The following STUM variants were observed in gnomAD, a reference collection of about 807,000 sequenced individuals.
STUM encodes the protein protein stum homolog.
STUM carries 8 observed loss-of-function variants against 15.3 expected under a neutral mutation model. That is an observed-to-expected ratio of 0.52 (90% confidence interval 0.31 to 0.94). The LOEUF (loss-of-function observed/expected upper bound fraction) is 0.94. Among genes scored for constraint, STUM ranks in the 40% least tolerant of loss-of-function variants. The pLI is 0.05. For missense variants in STUM, 142 were observed against 204.9 expected (o/e 0.69, Z 1.87); for synonymous variants, 78 against 88.7 (o/e 0.88, Z 0.68).
chr1:226,550,552 C>T (rs192111990), intron 1 of STUM, among the ~76,000 whole-genome samples: 135 of 151,376 alleles, frequency 8.9e-4, no homozygotes, highest in Non-Finnish European at 1.4e-3. Flanking sequence ...CTCCCTCTGG[C>T]GGATATGAAG....
chr1:226,577,869 C>CG (rs1237218445), intron 1 of STUM, among the ~76,000 whole-genome samples: 1 of 152,064 alleles, frequency 6.6e-6, no homozygotes, highest in South Asian at 2.1e-4. Context: ...GACAGTAGGG[C>CG]GGGGGAGAGT....
intron 1 of STUM, among the ~76,000 whole-genome samples, chr1:226,566,397 C>G (rs1667626952): frequency 6.6e-6 from 1 of 152,136 alleles, no homozygotes; most frequent in Non-Finnish European, 1.5e-5. Flanking sequence ...TTCTGAGAAG[C>G]AGGTTTTATA....
chr1:226,588,385 G>A lies in STUM; in HGVS notation c.203-8417G>A, dbSNP rs368575351. Among the ~76,000 whole-genome samples, 7 of 152,324 alleles carry A rather than the reference G, an allele frequency of 4.6e-5. No homozygotes were observed. In the East Asian group the frequency reaches 1.3e-3, roughly 29 times the overall value. On this transcript the variant is annotated intron_variant, in intron 1 of 3. Transcript: ENST00000366788. ...GTGGCCGAGCTGAAAGGATGACACT[G>A]CCTTCCCTCAGCACATATGAGCACA...
At position 226,548,773 on chromosome 1, in the gene STUM, G is replaced by T; in HGVS notation, c.-132G>T. 1.5e-6 allele frequency: 1 copy of T among 684,268 alleles called. No homozygotes were observed. Among genetic ancestry groups the T allele is most frequent in the Non-Finnish European group, 2.0e-6 (1 of 504,206 alleles). 42.4% of individuals were successfully genotyped at this position (684,268 alleles called of 1,614,324 possible). On this transcript the variant is annotated 5_prime_UTR_variant, in exon 1 of 4. Transcript: ENST00000366788. ...GAGGGCGGGAGTCTCCGCGAGCCGC[G>T]CGGCGCACGGAGCACGGCGGCCGCC...
Position 226,567,135 on chromosome 1 carries a change from G to A in STUM, c.202+18029G>A, listed in dbSNP as rs545190704. 6.6e-6 allele frequency among the ~76,000 whole-genome samples: 1 copy of A among 152,312 alleles called. No individual in the cohort carries two copies. Among genetic ancestry groups the A allele is most frequent in the African/African-American group, 2.4e-5 (1 of 41,574 alleles). On this transcript the variant is annotated intron_variant, in intron 1 of 3. Transcript: ENST00000366788. This position sits in a 1 kb window ranked among gnomAD's most constrained non-coding sequence, Gnocchi z 4.5. ...GAGACCAGCCTGTTCCTAGGATGAA[G>A]CCAGTAGGGTGGTGAGGCCGGGGCA... is the stretch of plus-strand genomic sequence containing the variant.
rs1172039840 is a variant in STUM, at chr1:226,549,066, C to T, written c.162C>T (p.Ala54=). 6.3e-7 allele frequency: 1 copy of T among 1,580,936 alleles called. No individual in the cohort carries two copies. The change falls in exon 1 of 4, where the codon GCC becomes GCT. Residue 54 remains alanine (A), a synonymous_variant. Coordinates refer to ENST00000366788, the MANE Select transcript of STUM (RefSeq NM_001003665.4). This position sits in a 1 kb window ranked among gnomAD's most constrained non-coding sequence, Gnocchi z 6.8. ...AAIPYMPFPV[A]VICLFLNTFV... is the part of the protein sequence containing the mutation. The stretch of plus-strand genomic sequence containing the variant: ...TCCCCTACATGCCCTTCCCCGTGGC[C>T]GTCATCTGCCTCTTCCTCAACACTT...
At chr1:226,563,883 A>G (rs746920223) in intron 1 of STUM, among the ~76,000 whole-genome samples, 2 of 152,272 alleles carry the variant, frequency 1.3e-5, no homozygotes, top group Non-Finnish European at 2.9e-5. Context: ...CAGAAGGGAA[A>G]AAAGTAAACA....
In STUM at chr1:226,588,476, C is replaced by G. The variant is rs1437929026; in HGVS notation, c.203-8326C>G. ...AACCCAAAAGAGTTGCCATGAAGAGCATTTGAGTGGCCCAGGACCCTGGCC... is the reference window on the plus strand; with the variant it reads ...AACCCAAAAGAGTTGCCATGAAGAGGATTTGAGTGGCCCAGGACCCTGGCC... On this transcript the variant is annotated intron_variant, in intron 1 of 3. Transcript: ENST00000366788. Among the ~76,000 whole-genome samples the G allele has an allele frequency of 4.6e-5, 7 of 152,212 alleles. No individual in the cohort carries two copies. The East Asian group carries it at 1.3e-3, about 29-fold the overall frequency.
chr1:226,579,195 T>A (rs1667872717), intron 1 of STUM, among the ~76,000 whole-genome samples: 1 of 152,182 alleles, frequency 6.6e-6, no homozygotes, highest in African/African-American at 2.4e-5. Context: ...ACACTGTCCC[T>A]TTGGCAAATG....
chr1:226,570,565 G>A (rs1489592025), intron 1 of STUM, among the ~76,000 whole-genome samples: 1 of 152,204 alleles, frequency 6.6e-6, no homozygotes, highest in African/African-American at 2.4e-5. Flanking sequence ...CCCCACAGGG[G>A]CCAAGCCACC....
At chr1:226,588,080 G>A (rs1471137989) in intron 1 of STUM, among the ~76,000 whole-genome samples, 1 of 152,188 alleles carries the variant, frequency 6.6e-6, no homozygotes, top group East Asian at 1.9e-4. Flanking sequence ...TGGATGTTCA[G>A]GATGATGAGG....
At position 226,602,283 on chromosome 1, in the gene STUM, T is replaced by C. The variant is rs1440472305; in HGVS notation, c.*243T>C. The C allele has an allele frequency of 1.9e-6, 1 of 532,876 alleles. No homozygotes were observed. The allele number at this position is 532,876 out of a possible 1,614,324, so 33.0% of individuals were successfully genotyped here. A position where few individuals can be genotyped will look rare whatever the true frequency, so the allele number is the denominator to read the frequency against. ...GCGCAGGCACCAGAGCATCAGAGAG[T>C]GGGGTGGAGATGAGAACGCCCACAG... On this transcript the variant is annotated 3_prime_UTR_variant, in exon 4 of 4. Coordinates refer to ENST00000366788, the MANE Select transcript of STUM (RefSeq NM_001003665.4).
At chr1:226,571,188 A>C (rs1303071201) in intron 1 of STUM, among the ~76,000 whole-genome samples, 1 of 152,178 alleles carries the variant, frequency 6.6e-6, no homozygotes, top group African/African-American at 2.4e-5. Flanking sequence ...CCGAGATCAC[A>C]TCACCGTCCT....
At chr1:226,576,311 T>C (rs1571803228) in intron 1 of STUM, among the ~76,000 whole-genome samples, 1 of 152,176 alleles carries the variant, frequency 6.6e-6, no homozygotes, top group Non-Finnish European at 1.5e-5. Flanking sequence ...GATGGCTGGG[T>C]ATTCTGGGGT....
intron 1 of STUM, among the ~76,000 whole-genome samples, chr1:226,559,468 G>A (rs558040762): frequency 3.9e-5 from 6 of 152,238 alleles, no homozygotes; most frequent in Non-Finnish European, 7.4e-5. Flanking sequence ...GTCCTGGAGG[G>A]TTAATTCATA....
chr1:226,595,161 G>A (rs114921230), intron 1 of STUM, among the ~76,000 whole-genome samples: 5,428 of 152,312 alleles, frequency 0.036, 138 homozygotes, highest in Middle Eastern at 0.095. Context: ...CCAGGGGGCC[G>A]CTGGTGTAAG....
rs1667604005 is a variant in STUM at position 226,565,330 on chromosome 1, C to A, written c.202+16224C>A. Among the ~76,000 whole-genome samples the A allele has an allele frequency of 6.6e-6, 1 of 152,070 alleles. No homozygotes were observed. Among genetic ancestry groups the A allele is most frequent in the Admixed American group, 6.5e-5 (1 of 15,270 alleles). Reference sequence around the variant, plus strand: ...CTGTGTATAGTTCCTTCATGAAGACCCTGGGGGTGGGAGCCTTTGCTTCCT... The same window carrying A: ...CTGTGTATAGTTCCTTCATGAAGACACTGGGGGTGGGAGCCTTTGCTTCCT... On this transcript the variant is annotated intron_variant, in intron 1 of 3. Transcript: ENST00000366788. The surrounding 1 kb of genome is among the most constrained non-coding windows in gnomAD (Gnocchi z 4.4).
chr1:226,593,738 C>T (rs1343092711), intron 1 of STUM, among the ~76,000 whole-genome samples: 1 of 152,194 alleles, frequency 6.6e-6, no homozygotes, highest in Non-Finnish European at 1.5e-5. Flanking sequence ...AGCTCTGTGC[C>T]AGGAACACAG....
intron 1 of STUM, among the ~76,000 whole-genome samples, chr1:226,562,462 A>G (rs566473180): frequency 9.9e-5 from 15 of 151,542 alleles, no homozygotes; most frequent in South Asian, 2.1e-4. Context: ...GCGACAGAGC[A>G]AGACTCCTTC....
Sources: allele counts gnomAD v4.1 joint callset (sites outside exome capture counted in the v4.1 genomes callset), GRCh38; gene constraint gnomAD v4.1.1; non-coding constraint Gnocchi (gnomAD v3.1); transcripts MANE v1.5; gene names NCBI Gene and HGNC (gene_info 2026-07-23, HGNC 2026-07-21).